The following P2RY6 variants were observed in gnomAD, a reference collection of about 807,000 sequenced individuals.
P2RY6 encodes P2Y purinoceptor 6.
P2RY6 carries 19 observed loss-of-function variants against 16.3 expected under a neutral mutation model. The observed-to-expected ratio is 1.16, with a 90% CI of 0.81 to 1.71. The LOEUF (loss-of-function observed/expected upper bound fraction) is 1.71, where lower values mean the gene tolerates loss of function less well. P2RY6 is among the 40% of genes most tolerant of loss of function. The probability of loss-of-function intolerance (pLI) is 0.00; values close to 1 mark genes in which losing one functional copy is unlikely to be tolerated. For synonymous variants in P2RY6, 184 were observed against 201.5 expected (o/e 0.91, Z 0.74); for missense variants, 389 against 455.5 (o/e 0.85, Z 1.33).
chr11:73,273,092 GAA>G lies in P2RY6; in HGVS notation c.-121+642_-121+643del, dbSNP rs35651681. Reference sequence around the variant, plus strand: ...GAGCTGGCCCCGTGAGAGTGGTTTGGAAAAAAAAAAAAAAAAAGTCCCTGAGT... The same window carrying G: ...GAGCTGGCCCCGTGAGAGTGGTTTGGAAAAAAAAAAAAAAAGTCCCTGAGT... On this transcript the variant is annotated intron_variant, in intron 1 of 2. Transcript: ENST00000540124. Among the ~76,000 whole-genome samples the G allele has an allele frequency of 8.5e-3, 1,110 of 130,796 alleles. 11 individuals carry two copies. Among genetic ancestry groups the G allele is most frequent in the African/African-American group, 0.029 (1,034 of 36,242 alleles). The allele number at this position is 130,796 out of a possible 152,430, so 85.8% of individuals were successfully genotyped here.
At position 73,297,064 on chromosome 11, in the gene P2RY6, G is replaced by C. The variant is rs778676887; in HGVS notation, c.546G>C (p.Pro182=). Residue 182 remains proline, a synonymous_variant, in exon 3 of 3, where the codon CCG becomes CCC. Transcript: ENST00000540124. ...GCACTGTCTGCTATGACCTCAGCCC[G>C]CCTGCCCTGGCCACCCACTATATGC... The part of the protein sequence containing the change: ...RNRTVCYDLS[P]PALATHYMPY... 6.2e-7 allele frequency: 1 copy of C among 1,601,460 alleles called. No homozygotes were observed. The highest frequency in any genetic ancestry group is 8.5e-7 in the Non-Finnish European group (1 of 1,179,934).
At chr11:73,285,687 C>T (rs574619841) in intron 1 of P2RY6, among the ~76,000 whole-genome samples, 2 of 152,276 alleles carry the variant, frequency 1.3e-5, no homozygotes, top group African/African-American at 2.4e-5. Context: ...ACTATGCCCC[C>T]CTTACAGGCC....
At chr11:73,279,076 T>G (rs1401892849) in intron 1 of P2RY6, among the ~76,000 whole-genome samples, 1 of 151,494 alleles carries the variant, frequency 6.6e-6, no homozygotes, top group African/African-American at 2.4e-5. Context: ...GCCATCCTAA[T>G]GGGTGTGAAG....
In P2RY6 at chr11:73,294,961, TC is replaced by T. The variant is rs545536759; in HGVS notation, c.-120-767del. ...TTGAACCTGAGCATCTGGATCAGAG[TC>T]CATATACTTTGCCTGAACCCTTTAC... On this transcript the variant is annotated intron_variant, in intron 1 of 2. Transcript: ENST00000540124. Among the ~76,000 whole-genome samples, 358 of 152,192 alleles carry T rather than the reference TC, an allele frequency of 2.4e-3. 1 individual carries two copies. Among genetic ancestry groups the T allele is most frequent in the African/African-American group, 8.0e-3 (334 of 41,512 alleles).
intron 1 of P2RY6, among the ~76,000 whole-genome samples, chr11:73,279,037 G>C (rs979780663): frequency 2.7e-5 from 4 of 149,148 alleles, no homozygotes; most frequent in African/African-American, 9.8e-5. Context: ...TATTTCCTAG[G>C]TTGGCCTTTT....
At chr11:73,278,646 T>G (rs1256812487) in intron 1 of P2RY6, among the ~76,000 whole-genome samples, 1 of 152,278 alleles carries the variant, frequency 6.6e-6, no homozygotes, top group Non-Finnish European at 1.5e-5. Context: ...ACTGGCTTGT[T>G]GTACTTGGAA....
At chr11:73,275,076 G>A (rs1282512479) in intron 1 of P2RY6, among the ~76,000 whole-genome samples, 1 of 152,234 alleles carries the variant, frequency 6.6e-6, no homozygotes, top group Non-Finnish European at 1.5e-5. Context: ...CAGTCATTTG[G>A]TCTACGGAGA....
intron 1 of P2RY6, among the ~76,000 whole-genome samples, chr11:73,266,100 G>A (rs1419760044): frequency 6.6e-6 from 1 of 152,166 alleles, no homozygotes; most frequent in Non-Finnish European, 1.5e-5. Context: ...AGTTTTCACA[G>A]AGCCAGTGAT....
At chr11:73,268,831 G>A (rs1112452), upstream of P2RY6, among the ~76,000 whole-genome samples, 376 of 152,362 alleles carry the variant, frequency 2.5e-3, 5 homozygotes, top group African/African-American at 8.3e-3. Context: ...GAGCAGCAAG[G>A]GGCCAATGGG....
chr11:73,268,624 G>GA (rs1322629629), upstream of P2RY6, among the ~76,000 whole-genome samples: 2 of 152,036 alleles, frequency 1.3e-5, no homozygotes, highest in Admixed American at 6.5e-5. Context: ...ACCCTGTCTG[G>GA]AAAAAAAAGA....
intron 1 of P2RY6, among the ~76,000 whole-genome samples, chr11:73,266,912 C>A (rs1230218871): frequency 6.6e-6 from 1 of 152,166 alleles, no homozygotes; most frequent in Admixed American, 6.5e-5. Context: ...CCTGGCCCAG[C>A]CCTGACTTTC....
chr11:73,290,118 A>G (rs923641545), intron 1 of P2RY6, among the ~76,000 whole-genome samples: 1 of 152,050 alleles, frequency 6.6e-6, no homozygotes, highest in East Asian at 1.9e-4. Context: ...GTTACTTGGG[A>G]GGCTGAGGCA....
upstream of P2RY6, chr11:73,272,324 TCTG>T: frequency 1.0e-6 from 1 of 985,440 alleles, no homozygotes; most frequent in Non-Finnish European, 1.2e-6. Context: ...GGTTTCCTCA[TCTG>T]CTGCCTCTCC....
chr11:73,284,934 G>A (rs568324434), intron 1 of P2RY6, among the ~76,000 whole-genome samples: 1 of 152,312 alleles, frequency 6.6e-6, no homozygotes, highest in East Asian at 1.9e-4. Flanking sequence ...AAATGCTAAG[G>A]AGAAAAATAT....
chr11:73,283,408 G>A (rs141625534), intron 1 of P2RY6, among the ~76,000 whole-genome samples: 125 of 152,164 alleles, frequency 8.2e-4, no homozygotes, highest in African/African-American at 3.0e-3. Flanking sequence ...TGCCCCTGCC[G>A]GCCCTGATCC....
intron 1 of P2RY6, among the ~76,000 whole-genome samples, chr11:73,278,101 AT>A (rs1478668673): frequency 1.3e-5 from 2 of 152,292 alleles, no homozygotes; most frequent in East Asian, 3.9e-4. Flanking sequence ...GTATACGCAC[AT>A]TGTTGTGCAG....
At chr11:73,274,803 G>A (rs951508791) in intron 1 of P2RY6, among the ~76,000 whole-genome samples, 2 of 152,190 alleles carry the variant, frequency 1.3e-5, no homozygotes, top group African/African-American at 4.8e-5. Context: ...GGGGCCTGTC[G>A]AGACTCTCAG....
chr11:73,265,383 T>C (rs1863068101), intron 1 of P2RY6: 1 of 152,226 alleles, frequency 6.6e-6, no homozygotes, highest in African/African-American at 2.4e-5. Context: ...TCCTGTGGAT[T>C]TTGCATTCTT....
rs893611758 is a variant in P2RY6, at chr11:73,277,997, T to A, written c.-121+5531T>A. On this transcript the variant is annotated intron_variant, in intron 1 of 2. Coordinates refer to ENST00000540124, the MANE Select transcript of P2RY6 (RefSeq NM_001277204.2). ...AGTTTTGTTTGTTTGTTTGTTTGTT[T>A]GTTGTTATTTTGTTTGTCTTTTATT... 2.7e-5 allele frequency among the ~76,000 whole-genome samples: 4 copies of A among 149,348 alleles called. No individual in the cohort carries two copies. The South Asian group carries it at 8.3e-4, about 31-fold the overall frequency.
Sources: allele counts gnomAD v4.1 joint callset (sites outside exome capture counted in the v4.1 genomes callset), GRCh38; gene constraint gnomAD v4.1.1; transcripts MANE v1.5; gene names NCBI Gene and HGNC (gene_info 2026-07-23, HGNC 2026-07-21).